Variants in MINDY4 observed in about 807,000 individuals in gnomAD.
MINDY4 encodes the protein MINDY lysine 48 deubiquitinase 4.
MINDY4 carries 68 observed loss-of-function variants against 87.0 expected under a neutral mutation model. The ratio of observed to expected loss-of-function variants is 0.78; its 90% CI spans 0.64 to 0.96. The LOEUF (loss-of-function observed/expected upper bound fraction) is 0.96. MINDY4 is among the 40% of genes least tolerant of loss of function. The pLI is 0.00. For synonymous variants in MINDY4, 379 were observed against 363.2 expected (o/e 1.04, Z -0.50); for missense variants, 919 against 928.2 (o/e 0.99, Z 0.13).
chr7:30,872,384 T>A, intron 14 of MINDY4, 78 bp downstream of exon 14: 1 of 1,338,266 alleles, frequency 7.5e-7, no homozygotes, highest in Non-Finnish European at 1.1e-6. Flanking sequence ...TCCTCCCTCC[T>A]CTTGCCCCAG....
At chr7:30,852,809 T>A (rs1789454377) in intron 11 of MINDY4, among the ~76,000 whole-genome samples, 1 of 152,360 alleles carries the variant, frequency 6.6e-6, no homozygotes, top group South Asian at 2.1e-4. Flanking sequence ...CTTGCCAACC[T>A]CTTCACTGAG....
At chr7:30,827,976 G>A (rs975060530) in intron 5 of MINDY4, among the ~76,000 whole-genome samples, 5 of 152,148 alleles carry the variant, frequency 3.3e-5, no homozygotes, top group African/African-American at 1.2e-4. Context: ...ATTCTGTTTA[G>A]AAATGATTTT....
chr7:30,858,820 C>T, intron 12 of MINDY4: 1 of 367,574 alleles, frequency 2.7e-6, no homozygotes, highest in Non-Finnish European at 5.3e-6. Context: ...CAGTGTGCTG[C>T]TGACAAGCTG....
intron 15 of MINDY4, among the ~76,000 whole-genome samples, chr7:30,877,175 C>T (rs745896434): frequency 1.1e-4 from 17 of 152,238 alleles, no homozygotes; most frequent in Non-Finnish European, 1.6e-4. Flanking sequence ...TCTCGAGCAC[C>T]GGATCCTGGG....
intron 6 of MINDY4, among the ~76,000 whole-genome samples, chr7:30,832,744 G>T (rs771056280): frequency 2.0e-5 from 3 of 152,134 alleles, no homozygotes; most frequent in Non-Finnish European, 2.9e-5. Context: ...TCGACCTCAG[G>T]TGATCCACCC....
At chr7:30,804,937 T>G (rs1271625101) in intron 5 of MINDY4, among the ~76,000 whole-genome samples, 1 of 152,086 alleles carries the variant, frequency 6.6e-6, no homozygotes, top group Non-Finnish European at 1.5e-5. Flanking sequence ...GGTGGGCAAG[T>G]TGGTGTAGCT....
chr7:30,788,809 GC>G (rs2128167721), intron 4 of MINDY4, among the ~76,000 whole-genome samples: 1 of 152,332 alleles, frequency 6.6e-6, no homozygotes, highest in East Asian at 1.9e-4. Context: ...CGGAATGCCT[GC>G]CGTGTCCCTC....
At chr7:30,784,619 C>G (rs971677103) in intron 3 of MINDY4, among the ~76,000 whole-genome samples, 1 of 152,242 alleles carries the variant, frequency 6.6e-6, no homozygotes, top group East Asian at 1.9e-4. Context: ...CCCGGCTGCT[C>G]CCCTGAGCAC....
intron 17 of MINDY4, 121 bp downstream of exon 17, chr7:30,883,114 G>T: frequency 8.7e-6 from 8 of 922,868 alleles, no homozygotes; most frequent in Non-Finnish European, 1.0e-5. Flanking sequence ...ATTCAAAGAG[G>T]TGTGGTGATT....
In MINDY4 at chr7:30,839,301, C is replaced by T. The variant is rs766683730; in HGVS notation, c.1341C>T (p.Gly447=). 2 of 1,606,110 alleles carry T rather than the reference C, an allele frequency of 1.2e-6. No individual in the cohort carries two copies. Among genetic ancestry groups the T allele is most frequent in the Non-Finnish European group, 1.7e-6 (2 of 1,176,408 alleles). Residue 447 remains glycine (G), a synonymous_variant, in exon 8 of 18, where the codon GGC becomes GGT. Transcript: ENST00000265299. Reference sequence around the variant, plus strand: ...GTAACACAGCCTCATTAAAATACGGCATAGTGCAGAACAAGGCAGGTTGCT... The same window carrying T: ...GTAACACAGCCTCATTAAAATACGGTATAGTGCAGAACAAGGCAGGTTGCT... The part of the protein sequence containing the change: ...SFSNTASLKY[G]IVQNKGGPCG...
At chr7:30,864,867 C>A (rs1275830685) in intron 13 of MINDY4, among the ~76,000 whole-genome samples, 1 of 152,240 alleles carries the variant, frequency 6.6e-6, no homozygotes, top group Non-Finnish European at 1.5e-5. Context: ...GATCACCAAG[C>A]TTTCTGTTCC....
At chr7:30,877,540 A>G (rs573236643) in intron 15 of MINDY4, among the ~76,000 whole-genome samples, 70 of 152,200 alleles carry the variant, frequency 4.6e-4, no homozygotes, top group African/African-American at 1.6e-3. Flanking sequence ...TGCAACTGCA[A>G]GCTCACTAAG....
At chr7:30,847,437 T>TCAAAGG (rs1350420181) in intron 9 of MINDY4, among the ~76,000 whole-genome samples, 2 of 152,094 alleles carry the variant, frequency 1.3e-5, no homozygotes, top group Non-Finnish European at 2.9e-5. Context: ...AAAGACAGGG[T>TCAAAGG]CAAAGGCAAA....
chr7:30,843,999 C>T (rs1182506775), intron 9 of MINDY4, among the ~76,000 whole-genome samples: 1 of 152,182 alleles, frequency 6.6e-6, no homozygotes, highest in African/African-American at 2.4e-5. Context: ...CCAGGGCCAC[C>T]TTCTCCAGCG....
Position 30,791,557 on chromosome 7 carries a change from C to A in MINDY4, c.1056C>A (p.Ser352Arg). 1 of 1,611,590 alleles carries A rather than the reference C, an allele frequency of 6.2e-7. No individual in the cohort carries two copies. The highest frequency in any genetic ancestry group is 8.5e-7 in the Non-Finnish European group (1 of 1,178,654). Reference sequence around the variant, plus strand: ...AAAGAGCGTTCAAACGGCAGGGCAGCCAGCCCGCACCTGTCAGGTGAGTGT... The same window carrying A: ...AAAGAGCGTTCAAACGGCAGGGCAGACAGCCCGCACCTGTCAGGTGAGTGT... The part of the protein sequence containing the change: ...RLERAFKRQG[S>R]QPAPVRKNQL... Residue 352 changes from serine to arginine, a missense_variant, in exon 5 of 18, where the codon AGC (serine) becomes AGA (arginine). Coordinates refer to ENST00000265299, the MANE Select transcript of MINDY4 (RefSeq NM_032222.3).
chr7:30,873,993 C>T lies in MINDY4; in HGVS notation c.1810-1502C>T, dbSNP rs1252955253. 4.6e-5 allele frequency among the ~76,000 whole-genome samples: 7 copies of T among 152,216 alleles called. No homozygotes were observed. In the East Asian group the frequency reaches 1.3e-3, roughly 29 times the overall value. On this transcript the variant is annotated intron_variant, in intron 14 of 17. Transcript: ENST00000265299. ...GAGGCCTCTTTTACTGTCACTGGGG[C>T]AGGGGTATTGGTGTTAACTGAGGGA... is the stretch of plus-strand genomic sequence containing the variant.
chr7:30,887,839 A>G (rs1243582276), intron 17 of MINDY4, among the ~76,000 whole-genome samples: 1 of 152,250 alleles, frequency 6.6e-6, no homozygotes, highest in Non-Finnish European at 1.5e-5. Flanking sequence ...CTGATCCTGC[A>G]GGATGGCGGA....
chr7:30,813,530 C>T (rs548590649), intron 5 of MINDY4, among the ~76,000 whole-genome samples: 8 of 152,326 alleles, frequency 5.3e-5, no homozygotes, highest in Non-Finnish European at 1.0e-4. Flanking sequence ...AGCTGAGGAA[C>T]CTCAGCAGAG....
Position 30,857,461 on chromosome 7 carries a change from G to GTTT in MINDY4, c.1678-1769_1678-1767dup, listed in dbSNP as rs1176212442. 8.1e-4 allele frequency among the ~76,000 whole-genome samples: 48 copies of GTTT among 58,982 alleles called. 7 individuals are homozygous for GTTT. The highest frequency in any genetic ancestry group is 0.016 in the Middle Eastern group (2 of 128). 38.7% of individuals were successfully genotyped at this position (58,982 alleles called of 152,430 possible). A position where few individuals can be genotyped will look rare whatever the true frequency, so the allele number is the denominator to read the frequency against. ...AAGAGGAGAGATCCATATCCACCTT[G>GTTT]TTTTTTTTTTTTTTTTTTTTTTTTT... On this transcript the variant is annotated intron_variant, in intron 12 of 17. Transcript: ENST00000265299.
Sources: allele counts gnomAD v4.1 joint callset (sites outside exome capture counted in the v4.1 genomes callset), GRCh38; gene constraint gnomAD v4.1.1; transcripts MANE v1.5; gene names NCBI Gene and HGNC (gene_info 2026-07-23, HGNC 2026-07-21).